Variants in REEP5 observed in about 807,000 individuals in gnomAD.
REEP5 encodes receptor accessory protein 5.
A neutral mutation model predicts 22.4 loss-of-function variants in REEP5; 24 were observed. That is an observed-to-expected ratio of 1.07 (90% confidence interval 0.78 to 1.51). The LOEUF is 1.51. Among genes scored for constraint, REEP5 ranks in the 40% most tolerant of loss-of-function variants. The pLI is 0.00. For synonymous variants in REEP5, 103 were observed against 88.6 expected, an observed-to-expected ratio of 1.16 and a Z score of -0.92; for missense variants, 252 against 233.0, an observed-to-expected ratio of 1.08 and a Z score of -0.53.
At chr5:112,880,319 T>C (rs1768030443) in intron 4 of REEP5, among the ~76,000 whole-genome samples, 1 of 152,162 alleles carries the variant, frequency 6.6e-6, no homozygotes, top group Non-Finnish European at 1.5e-5. Context: ...AATTACCAAG[T>C]GGCAGGGAAT....
At chr5:112,892,339 G>A (rs756246625) in intron 3 of REEP5, 18 of 1,614,016 alleles carry the variant, frequency 1.1e-5, no homozygotes, top group Admixed American at 5.0e-5. Context: ...GGAGTACAGC[G>A]AGGAAGAAAC....
At chr5:112,899,159 G>GC (rs1768783243) in intron 3 of REEP5, among the ~76,000 whole-genome samples, 1 of 151,770 alleles carries the variant, frequency 6.6e-6, no homozygotes, top group Non-Finnish European at 1.5e-5. Flanking sequence ...GCTTATTGTA[G>GC]CCTTGAACTC....
chr5:112,886,424 C>T (rs1768247772), intron 4 of REEP5, among the ~76,000 whole-genome samples: 1 of 152,186 alleles, frequency 6.6e-6, no homozygotes, highest in Non-Finnish European at 1.5e-5. Flanking sequence ...TCATGAATGG[C>T]TCTTTATCAT....
intron 2 of REEP5, among the ~76,000 whole-genome samples, chr5:112,916,353 A>G (rs1769232616): frequency 6.6e-6 from 1 of 152,190 alleles, no homozygotes; most frequent in African/African-American, 2.4e-5. Flanking sequence ...GTCTCTTGAA[A>G]CAGAACTAAA....
intron 3 of REEP5, among the ~76,000 whole-genome samples, chr5:112,888,600 A>C (rs1406846812): frequency 6.6e-6 from 1 of 150,956 alleles, no homozygotes; most frequent in Non-Finnish European, 1.5e-5. Context: ...ATTTTTTATA[A>C]CTTTTTTTTG....
Position 112,905,181 on chromosome 5 carries a change from G to A in REEP5, c.213-2663C>T, listed in dbSNP as rs1307887350. Among the ~76,000 whole-genome samples the A allele has an allele frequency of 2.6e-5, 4 of 152,284 alleles. No individual in the cohort carries two copies. In the East Asian group the frequency reaches 7.7e-4, roughly 29 times the overall value. On this transcript the variant is annotated intron_variant, in intron 2 of 4. Transcript: ENST00000379638. The stretch of plus-strand genomic sequence containing the variant: ...GGGAAGAGATGGTCTAGCTCACTCA[G>A]GAACGTGAGGTTCAAAAAAGTGAAG...
At chr5:112,881,958 G>C (rs1472603236) in intron 4 of REEP5, 2 of 149,156 alleles carry the variant, frequency 1.3e-5, no homozygotes, top group Non-Finnish European at 3.0e-5. Context: ...TTTTTGTAGA[G>C]ACTGGGTTTC....
At chr5:112,921,119 G>C (rs1199723240) in intron 2 of REEP5, 44 bp downstream of exon 2, 1 of 1,576,940 alleles carries the variant, frequency 6.3e-7, no homozygotes, top group Admixed American at 1.7e-5. Context: ...CTGCGGGGAG[G>C]AATGGAGGAA....
At chr5:112,898,643 C>T (rs1414017884) in intron 3 of REEP5, among the ~76,000 whole-genome samples, 1 of 152,166 alleles carries the variant, frequency 6.6e-6, no homozygotes, top group Admixed American at 6.5e-5. Flanking sequence ...GTGTTCACTG[C>T]CACAAGCAAG....
At chr5:112,908,700 C>T (rs906932680) in intron 2 of REEP5, among the ~76,000 whole-genome samples, 2 of 151,858 alleles carry the variant, frequency 1.3e-5, no homozygotes, top group Non-Finnish European at 2.9e-5. Flanking sequence ...ACCACGACAG[C>T]GCCCACGACC....
intron 4 of REEP5, chr5:112,881,943 T>TGG (rs1768089428): frequency 6.6e-6 from 1 of 151,620 alleles, no homozygotes. Context: ...TTTTGTGTTT[T>TGG]TTTTTTTTTG....
At position 112,876,843 on chromosome 5, in the gene REEP5, T is replaced by G. The variant is rs1371547373; in HGVS notation, c.*1943A>C. ...TCAAGGGAACAAAAAAAAATTGCAT[T>G]CAGAATTTAATATAGTATTTTAAAA... On this transcript the variant is annotated 3_prime_UTR_variant, in exon 5 of 5. Coordinates refer to ENST00000379638, the MANE Select transcript of REEP5 (RefSeq NM_005669.5). 1.3e-5 allele frequency: 2 copies of G among 152,146 alleles called. No homozygotes were observed. The highest frequency in any genetic ancestry group is 4.8e-5 in the African/African-American group (2 of 41,430). The allele number at this position is 152,146 out of a possible 1,614,324, so 9.4% of individuals were successfully genotyped here.
At chr5:112,895,025 T>G (rs1215420656) in intron 3 of REEP5, 2 of 150,508 alleles carry the variant, frequency 1.3e-5, no homozygotes, top group African/African-American at 4.9e-5. Flanking sequence ...GATCACGAGG[T>G]CAGGAGTTCG....
At chr5:112,921,403 G>C (rs1015896720) in intron 1 of REEP5, 147 bp from the exon 2 acceptor site, 5 of 744,862 alleles carry the variant, frequency 6.7e-6, no homozygotes, top group Admixed American at 4.3e-5. Flanking sequence ...CCACACGAAA[G>C]CTGGGCCTGC....
chr5:112,903,470 T>A (rs371124841), intron 2 of REEP5, among the ~76,000 whole-genome samples: 1 of 152,194 alleles, frequency 6.6e-6, no homozygotes, highest in Non-Finnish European at 1.5e-5. Flanking sequence ...AGACTACACA[T>A]TGGGTACAGT....
intron 2 of REEP5, among the ~76,000 whole-genome samples, chr5:112,905,313 G>A (rs897335710): frequency 3.3e-5 from 5 of 152,026 alleles, no homozygotes; most frequent in Non-Finnish European, 7.4e-5. Flanking sequence ...GGCCGAGGTG[G>A]GCAGATCACC....
chr5:112,876,754 T>C lies in REEP5; in HGVS notation c.*2032A>G, dbSNP rs117576852. 1 of 152,334 alleles carries C rather than the reference T, an allele frequency of 6.6e-6. No homozygotes were observed. Among genetic ancestry groups the C allele is most frequent in the East Asian group, 1.9e-4 (1 of 5,196 alleles). The allele number at this position is 152,334 out of a possible 1,614,324, so 9.4% of individuals were successfully genotyped here. A position where few individuals can be genotyped will look rare whatever the true frequency, so the allele number is the denominator to read the frequency against. ...TCATGCAACAGAACTGCTCAATTCT[T>C]AACTTCTCCTGCTGTTAACATTTAC... On this transcript the variant is annotated 3_prime_UTR_variant, in exon 5 of 5. Coordinates refer to ENST00000379638, the MANE Select transcript of REEP5 (RefSeq NM_005669.5).
rs1310820625 is a variant in REEP5 at position 112,922,043 on chromosome 5, T to A, written c.118+30A>T. 6.3e-6 allele frequency: 10 copies of A among 1,575,702 alleles called. No homozygotes were observed. In the South Asian group the frequency reaches 1.1e-4, roughly 18 times the overall value. On this transcript the variant is annotated intron_variant, in intron 1 of 4. Transcript: ENST00000379638. ...GGGGCAGCGGCGGCTCCCGTGGCCC[T>A]ACCAGCGGCGGCGACCCCCGGCCAC... is the stretch of plus-strand genomic sequence containing the variant.
At chr5:112,892,772 A>G in intron 3 of REEP5, 1 of 1,614,030 alleles carries the variant, frequency 6.2e-7, no homozygotes, top group Non-Finnish European at 8.5e-7. Flanking sequence ...CACGACCACT[A>G]CTACAGCAGG....
Sources: allele counts gnomAD v4.1 joint callset (sites outside exome capture counted in the v4.1 genomes callset), GRCh38; gene constraint gnomAD v4.1.1; transcripts MANE v1.5; gene names NCBI Gene and HGNC (gene_info 2026-07-23, HGNC 2026-07-21).